The following UTP23 variants were observed in gnomAD, a reference collection of about 807,000 sequenced individuals.
The protein encoded by UTP23 is UTP23 small subunit processome component.
Under a neutral mutation model 19.8 loss-of-function variants are expected in UTP23, and 10 were observed. The ratio of observed to expected loss-of-function variants is 0.50; its 90% CI spans 0.31 to 0.86. The LOEUF is 0.86. Ranked by LOEUF, UTP23 falls within the 40% of genes least tolerant of loss-of-function variation. The pLI, the probability that UTP23 is intolerant of heterozygous loss-of-function variation, is 0.05. For synonymous variants in UTP23, 108 were observed against 105.4 expected, an observed-to-expected ratio of 1.02 and a Z score of -0.15; for missense variants, 282 against 293.1, an observed-to-expected ratio of 0.96 and a Z score of 0.28.
intron 1 of UTP23, among the ~76,000 whole-genome samples, chr8:116,769,302 C>T (rs1586505109): frequency 1.3e-5 from 2 of 152,092 alleles, no homozygotes; most frequent in African/African-American, 4.8e-5. Flanking sequence ...AGGCAGGAAC[C>T]CAAGGGTTCT....
chr8:116,766,742 G>A lies in UTP23; in HGVS notation c.139G>A (p.Glu47Lys). Reference sequence around the variant, plus strand: ...GCTGCGGGGCCGCATCCAGCTGCGGGAGCAGCTGCCCCGCTACCTCATGGG... The same window carrying A: ...GCTGCGGGGCCGCATCCAGCTGCGGAAGCAGCTGCCCCGCTACCTCATGGG... ...AALRGRIQLR[E>K]QLPRYLMGET... Residue 47 changes from glutamate to lysine, a missense_variant, in exon 1 of 3, where the codon GAG becomes AAG. Glu to Lys is a moderately conservative substitution (Grantham distance 56, BLOSUM62 1). Coordinates refer to ENST00000309822, the MANE Select transcript of UTP23 (RefSeq NM_032334.3). 1.9e-6 allele frequency: 3 copies of A among 1,601,650 alleles called. No individual in the cohort carries two copies. Among genetic ancestry groups the A allele is most frequent in the Non-Finnish European group, 2.6e-6 (3 of 1,174,004 alleles).
At position 116,771,829 on chromosome 8, in the gene UTP23, CAGA is replaced by C; in HGVS notation, c.740_742del (p.Glu247del). On this transcript the variant is annotated inframe_deletion, in exon 3 of 3. Coordinates refer to ENST00000309822, the MANE Select transcript of UTP23 (RefSeq NM_032334.3). The stretch of plus-strand genomic sequence containing the variant: ...AAAGTACTTTCTGAGAAGCAGAATG[CAGA>C]AGGAGAATGAATCCTTTGGATACTT... 6.3e-7 allele frequency: 1 copy of C among 1,576,090 alleles called. No individual in the cohort carries two copies. Among genetic ancestry groups the C allele is most frequent in the African/African-American group, 1.4e-5 (1 of 72,460 alleles).
At chr8:116,768,579 T>C (rs566696403) in intron 1 of UTP23, among the ~76,000 whole-genome samples, 2 of 152,364 alleles carry the variant, frequency 1.3e-5, no homozygotes, top group South Asian at 4.1e-4. Context: ...TTGGCATGTA[T>C]CTTGAAAAGA....
Position 116,774,143 on chromosome 8 carries a change from C to T in UTP23, c.*2301C>T, listed in dbSNP as rs1490030196. 3 of 985,238 alleles carry T rather than the reference C, an allele frequency of 3.0e-6. No homozygotes were observed. Among genetic ancestry groups the T allele is most frequent in the Non-Finnish European group, 2.4e-6 (2 of 829,930 alleles). The allele number at this position is 985,238 out of a possible 1,614,324, so 61.0% of individuals were successfully genotyped here. On this transcript the variant is annotated 3_prime_UTR_variant, in exon 3 of 3. Transcript: ENST00000309822. ...AAAGTGTAATACATGCACTTTTGAA[C>T]TCTGAAAGTTTGCCAATCTGAAAAG...
chr8:116,769,877 G>C (rs774568227), intron 1 of UTP23, among the ~76,000 whole-genome samples: 1 of 152,194 alleles, frequency 6.6e-6, no homozygotes, highest in Admixed American at 6.5e-5. Flanking sequence ...TGAAATCTCA[G>C]AATGGGGTGC....
Position 116,774,576 on chromosome 8 carries a change from G to A in UTP23, c.*2734G>A, listed in dbSNP as rs2131027447. On this transcript the variant is annotated 3_prime_UTR_variant, in exon 3 of 3. Transcript: ENST00000309822. Reference sequence around the variant, plus strand: ...ATATACACATATGTATATATACATAGTCTATATATTCTATATAAGAATATA... The same window carrying A: ...ATATACACATATGTATATATACATAATCTATATATTCTATATAAGAATATA... 1 of 613,520 alleles carries A rather than the reference G, an allele frequency of 1.6e-6. No individual in the cohort carries two copies. Among genetic ancestry groups the A allele is most frequent in the African/African-American group, 2.0e-5 (1 of 49,764 alleles). The allele number at this position is 613,520 out of a possible 1,614,324, so 38.0% of individuals were successfully genotyped here.
intron 1 of UTP23, among the ~76,000 whole-genome samples, chr8:116,769,246 G>A (rs959146127): frequency 3.3e-5 from 5 of 152,144 alleles, no homozygotes; most frequent in Admixed American, 1.3e-4. Context: ...TCTGTTTTGC[G>A]GTTGTTTAAT....
chr8:116,766,570 C>G lies in UTP23; in HGVS notation c.-34C>G. 1 of 1,597,004 alleles carries G rather than the reference C, an allele frequency of 6.3e-7. No individual in the cohort carries two copies. Among genetic ancestry groups the G allele is most frequent in the Non-Finnish European group, 8.5e-7 (1 of 1,170,756 alleles). On this transcript the variant is annotated 5_prime_UTR_variant, in exon 1 of 3. Coordinates refer to ENST00000309822, the MANE Select transcript of UTP23 (RefSeq NM_032334.3). Reference sequence around the variant, plus strand: ...TGCGTGAGGCGTTTACTGATGCTTCCTGGTCCGGTGGCCTCGGTCCCGGTA... The same window carrying G: ...TGCGTGAGGCGTTTACTGATGCTTCGTGGTCCGGTGGCCTCGGTCCCGGTA...
chr8:116,766,915 G>A lies in UTP23; in HGVS notation c.188+124G>A, dbSNP rs1815589764. 3 of 970,914 alleles carry A rather than the reference G, an allele frequency of 3.1e-6. No individual in the cohort carries two copies. In the Admixed American group the frequency reaches 8.9e-5, roughly 29 times the overall value. 60.1% of individuals were successfully genotyped at this position (970,914 alleles called of 1,614,324 possible). On this transcript the variant is annotated intron_variant, in intron 1 of 2. Transcript: ENST00000309822. ...CAAAACGCCCCGCCCACGTGGAGTT[G>A]ACAGTTAAGTGGAGAGGTGAAGGTG...
At chr8:116,771,215 T>C (rs968619959) in intron 2 of UTP23, among the ~76,000 whole-genome samples, 6 of 152,212 alleles carry the variant, frequency 3.9e-5, no homozygotes, top group African/African-American at 1.2e-4. Flanking sequence ...AGTTTGTAAT[T>C]TGTGGCTCTA....
In UTP23 at chr8:116,772,222, G is replaced by A. The variant is rs1815667100; in HGVS notation, c.*380G>A. On this transcript the variant is annotated 3_prime_UTR_variant, in exon 3 of 3. Coordinates refer to ENST00000309822, the MANE Select transcript of UTP23 (RefSeq NM_032334.3). ...ACAGTGAATGGGTGTAGGTGTGATG[G>A]AATTCACTTTACTTACTAAATGGTT... is the stretch of plus-strand genomic sequence containing the variant. The A allele has an allele frequency of 5.1e-6, 5 of 988,816 alleles. No homozygotes were observed. Among genetic ancestry groups the A allele is most frequent in the Non-Finnish European group, 6.0e-6 (5 of 832,230 alleles). 61.3% of individuals were successfully genotyped at this position (988,816 alleles called of 1,614,324 possible).
Position 116,771,669 on chromosome 8 carries a change from A to G in UTP23, c.577A>G (p.Arg193Gly), listed in dbSNP as rs34845194. ...GLVKNTEQSR[R>G]KKRKKISGPN... The stretch of plus-strand genomic sequence containing the variant: ...AGTGAAAAACACTGAACAGAGTAGA[A>G]GAAAAAAGCGCAAGAAAATAAGTGG... The change falls in exon 3 of 3, where the codon AGA becomes GGA. Residue 193 changes from arginine (R) to glycine (G), a missense_variant. Transcript: ENST00000309822. 6 of 1,611,160 alleles carry G rather than the reference A, an allele frequency of 3.7e-6. No homozygotes were observed. Among genetic ancestry groups the G allele is most frequent in the Non-Finnish European group, 5.1e-6 (6 of 1,179,424 alleles).
chr8:116,766,824 G>A (rs1035764457), intron 1 of UTP23, 33 bp downstream of exon 1: 3 of 1,482,064 alleles, frequency 2.0e-6, no homozygotes, highest in Middle Eastern at 1.9e-4. Context: ...GAGGCACAGA[G>A]GGTCCGTCGG....
rs1815662100 is a variant in UTP23, at chr8:116,771,918, C to T, written c.*76C>T. The T allele has an allele frequency of 6.8e-7, 1 of 1,473,574 alleles. No homozygotes were observed. Among genetic ancestry groups the T allele is most frequent in the South Asian group, 1.5e-5 (1 of 66,268 alleles). 91.3% of individuals were successfully genotyped at this position (1,473,574 alleles called of 1,614,324 possible). A position where few individuals can be genotyped will look rare whatever the true frequency, so the allele number is the denominator to read the frequency against. On this transcript the variant is annotated 3_prime_UTR_variant, in exon 3 of 3. Coordinates refer to ENST00000309822, the MANE Select transcript of UTP23 (RefSeq NM_032334.3). ...AACTAGAAGTATTTATAATAAAAGA[C>T]CAAACTTATTTTTGTAAATGAACCC...
chr8:116,770,495 C>T lies in UTP23; in HGVS notation c.363+129C>T, dbSNP rs532171229. The stretch of plus-strand genomic sequence containing the variant: ...AAATACAGGCTTCTAAGTTAATTTG[C>T]AGTCAGTAAAAGCAATTGTCATTTG... On this transcript the variant is annotated intron_variant, in intron 2 of 2. Coordinates refer to ENST00000309822, the MANE Select transcript of UTP23 (RefSeq NM_032334.3). The T allele has an allele frequency of 1.0e-5, 9 of 873,848 alleles. No individual in the cohort carries two copies. The South Asian group carries it at 2.1e-4, about 20-fold the overall frequency. 54.1% of individuals were successfully genotyped at this position (873,848 alleles called of 1,614,324 possible).
rs1009674922 is a variant in UTP23 at position 116,772,074 on chromosome 8, C to G, written c.*232C>G. ...GTGCACAGTTGTAATTCCAGCTACT[C>G]AGGAGGCTGAGGCATGAGAATCGCT... On this transcript the variant is annotated 3_prime_UTR_variant, in exon 3 of 3. Transcript: ENST00000309822. The G allele has an allele frequency of 2.5e-5, 28 of 1,139,802 alleles. No individual in the cohort carries two copies. The highest frequency in any genetic ancestry group is 2.9e-5 in the Non-Finnish European group (27 of 924,378). 70.6% of individuals were successfully genotyped at this position (1,139,802 alleles called of 1,614,324 possible).
In UTP23 at chr8:116,770,266, T is replaced by C. The variant is rs1450344584; in HGVS notation, c.263T>C (p.Val88Ala). The C allele has an allele frequency of 1.2e-6, 2 of 1,613,970 alleles. No individual in the cohort carries two copies. The highest frequency in any genetic ancestry group is 1.7e-6 in the Non-Finnish European group (2 of 1,179,988). ...AAACTGATTGCACAAAAATGCCAAG[T>C]TCGAAATTGTCCTCATTTCAAGAAT... ...GAKLIAQKCQ[V>A]RNCPHFKNAV... is the part of the protein sequence containing the mutation. Residue 88 changes from valine to alanine, a missense_variant, in exon 2 of 3, where the codon GTT becomes GCT. Transcript: ENST00000309822.
chr8:116,774,577 TC>T lies in UTP23; in HGVS notation c.*2736del, dbSNP rs1423603074. On this transcript the variant is annotated 3_prime_UTR_variant, in exon 3 of 3. Coordinates refer to ENST00000309822, the MANE Select transcript of UTP23 (RefSeq NM_032334.3). The stretch of plus-strand genomic sequence containing the variant: ...TATACACATATGTATATATACATAG[TC>T]TATATATTCTATATAAGAATATATT... 5.0e-6 allele frequency: 3 copies of T among 597,628 alleles called. No individual in the cohort carries two copies. The highest frequency in any genetic ancestry group is 6.3e-6 in the Non-Finnish European group (3 of 477,132). 37.0% of individuals were successfully genotyped at this position (597,628 alleles called of 1,614,324 possible). A position where few individuals can be genotyped will look rare whatever the true frequency, so the allele number is the denominator to read the frequency against.
intron 1 of UTP23, 154 bp downstream of exon 1, chr8:116,766,945 G>A: frequency 2.8e-6 from 2 of 716,804 alleles, no homozygotes; most frequent in Non-Finnish European, 2.2e-6. Flanking sequence ...AAGGTGGTCA[G>A]GCGAATACCT....
Sources: gnomAD v4.1 joint callset for allele counts (sites outside exome capture counted in the v4.1 genomes callset) on GRCh38, gnomAD v4.1.1 for gene constraint, MANE v1.5 for transcripts, NCBI Gene and HGNC (gene_info 2026-07-23, HGNC 2026-07-21) for gene names.